The following UPB1 variants were observed in gnomAD, a reference collection of about 807,000 sequenced individuals.
The protein encoded by UPB1 is beta-ureidopropionase.
Under a neutral mutation model 49.1 loss-of-function variants are expected in UPB1, and 40 were observed. That is an observed-to-expected ratio of 0.81 (90% CI 0.63 to 1.06). The LOEUF is 1.06. Ranked by LOEUF, UPB1 falls within the 50% of genes least tolerant of loss-of-function variation. UPB1 has a pLI of 0.00. For synonymous variants in UPB1, 207 were observed against 198.2 expected (o/e 1.04, Z -0.38); for missense variants, 499 against 505.9 (o/e 0.99, Z 0.13).
At chr22:24,510,404 T>TAC (rs979887383) in intron 3 of UPB1, among the ~76,000 whole-genome samples, 8 of 152,332 alleles carry the variant, frequency 5.3e-5, no homozygotes, top group African/African-American at 1.7e-4. Context: ...TATATATATA[T>TAC]ACCACATTTT....
chr22:24,513,564 T>A, intron 5 of UPB1, 79 bp downstream of exon 5: 27 of 1,542,652 alleles, frequency 1.8e-5, no homozygotes, highest in Non-Finnish European at 2.2e-5. Flanking sequence ...GGACTTTCTG[T>A]GGGGAAGTTC....
chr22:24,508,961 G>GA (rs2044142379), intron 3 of UPB1, among the ~76,000 whole-genome samples: 1 of 152,208 alleles, frequency 6.6e-6, no homozygotes, highest in Admixed American at 6.5e-5. Flanking sequence ...AATTAGTCCA[G>GA]ACAAGGATTG....
chr22:24,497,521 G>A (rs2043914351), intron 1 of UPB1, among the ~76,000 whole-genome samples: 1 of 152,222 alleles, frequency 6.6e-6, no homozygotes, highest in Non-Finnish European at 1.5e-5. Flanking sequence ...CCCTGGGTGG[G>A]AGAGGTGGGG....
chr22:24,503,457 C>T (rs1220815297), intron 3 of UPB1: 1 of 152,144 alleles, frequency 6.6e-6, no homozygotes, highest in Non-Finnish European at 1.5e-5. Flanking sequence ...TGTAGTGGAT[C>T]CTTATAGATT....
At chr22:24,513,547 C>G in intron 5 of UPB1, 62 bp downstream of exon 5, 1 of 1,569,522 alleles carries the variant, frequency 6.4e-7, no homozygotes, top group Non-Finnish European at 8.6e-7. Context: ...TGTTGTAGAT[C>G]TCTGTGGGAC....
Position 24,526,175 on chromosome 22 carries a change from G to A in UPB1, c.*381G>A. 2.9e-6 allele frequency: 1 copy of A among 342,046 alleles called. No homozygotes were observed. Among genetic ancestry groups the A allele is most frequent in the Non-Finnish European group, 5.7e-6 (1 of 175,312 alleles). 21.2% of individuals were successfully genotyped at this position (342,046 alleles called of 1,614,324 possible). ...GTACACCAGTGGGAAGAGGGTGAGG[G>A]CTGATCCAGAGACCCTGAGCCTACA... On this transcript the variant is annotated 3_prime_UTR_variant, in exon 10 of 10. Coordinates refer to ENST00000326010, the MANE Select transcript of UPB1 (RefSeq NM_016327.3).
rs370930876 is a variant in UPB1 at position 24,515,266 on chromosome 22, G to A, written c.687G>A (p.Ala229=). The A allele has an allele frequency of 2.9e-5, 47 of 1,614,066 alleles. No homozygotes were observed. The highest frequency in any genetic ancestry group is 6.7e-5 in the Admixed American group (4 of 60,004). ...TCCAGACGCAGTTCGGAAGGATCGC[G>A]GTGAACATTTGCTACGGGCGGCACC... The part of the protein sequence containing the change: ...PVFQTQFGRI[A]VNICYGRHHP... The change falls in exon 6 of 10, where the codon GCG becomes GCA. Residue 229 remains alanine, a synonymous_variant. Coordinates refer to ENST00000326010, the MANE Select transcript of UPB1 (RefSeq NM_016327.3).
chr22:24,526,668 G>A lies in UPB1; in HGVS notation c.*874G>A, dbSNP rs1368324751. The stretch of plus-strand genomic sequence containing the variant: ...TCTAGAAAAATAGAATCTTAAAGAT[G>A]AGTTTTCTGCATTGGTTCTGGATTT... On this transcript the variant is annotated 3_prime_UTR_variant, in exon 10 of 10. Transcript: ENST00000326010. 1 of 152,210 alleles carries A rather than the reference G, an allele frequency of 6.6e-6. No individual in the cohort carries two copies. The highest frequency in any genetic ancestry group is 2.4e-5 in the African/African-American group (1 of 41,450). The allele number at this position is 152,210 out of a possible 1,614,324, so 9.4% of individuals were successfully genotyped here.
intron 6 of UPB1, among the ~76,000 whole-genome samples, chr22:24,519,173 A>T (rs1050845993): frequency 2.0e-5 from 3 of 151,496 alleles, no homozygotes; most frequent in Non-Finnish European, 4.4e-5. Context: ...CAGCTGGGGG[A>T]AAAAAGCAGC....
rs760607228 is a variant in UPB1 at position 24,521,986 on chromosome 22, G to T, written c.874G>T (p.Glu292Ter). Residue 292 changes from glutamate (E) to a stop codon, truncating the protein, a stop_gained and splice_region_variant, in exon 8 of 10, where the codon GAG becomes TAG. Coordinates refer to ENST00000326010, the MANE Select transcript of UPB1 (RefSeq NM_016327.3). LOFTEE classifies it high-confidence loss of function. ...CTCTTACCTTGGTCTTATTTCACAG[G>T]AGCACTTCCCGAACGAGTTTACCTC... Reference protein sequence around the residue: ...FTCAINRVGTEHFPNEFTSGD... With the variant: ...FTCAINRVGT 4.3e-6 allele frequency: 7 copies of T among 1,614,114 alleles called. No homozygotes were observed. The Admixed American group carries it at 1.2e-4, about 27-fold the overall frequency.
chr22:24,509,752 A>G (rs1420384049), intron 3 of UPB1, among the ~76,000 whole-genome samples: 1 of 152,240 alleles, frequency 6.6e-6, no homozygotes, highest in South Asian at 2.1e-4. Flanking sequence ...TACATTAACA[A>G]TATTTACCAT....
At chr22:24,524,821 CA>C (rs1308880920) in intron 9 of UPB1, among the ~76,000 whole-genome samples, 1 of 152,148 alleles carries the variant, frequency 6.6e-6, no homozygotes, top group Non-Finnish European at 1.5e-5. Context: ...ATTGTATATG[CA>C]AATGTCCATT....
chr22:24,508,966 G>T (rs1453033028), intron 3 of UPB1, among the ~76,000 whole-genome samples: 1 of 152,178 alleles, frequency 6.6e-6, no homozygotes, highest in African/African-American at 2.4e-5. Flanking sequence ...GTCCAGACAA[G>T]GATTGAGTTC....
chr22:24,502,618 A>G, intron 3 of UPB1: 1 of 696,876 alleles, frequency 1.4e-6, no homozygotes, highest in Non-Finnish European at 2.6e-6. Context: ...TGTGGTTTTT[A>G]TTTTTATCAG....
At chr22:24,513,734 T>G (rs1049553937) in intron 5 of UPB1, among the ~76,000 whole-genome samples, 3 of 152,190 alleles carry the variant, frequency 2.0e-5, no homozygotes, top group Non-Finnish European at 4.4e-5. Context: ...ATGGGGCATA[T>G]ATTTTTTTAA....
chr22:24,509,357 G>GT (rs202024916), intron 3 of UPB1, among the ~76,000 whole-genome samples: 1,245 of 91,226 alleles, frequency 0.014, 55 homozygotes, highest in African/African-American at 0.055. Context: ...TGTACCTACT[G>GT]TTTGAAAAAA....
chr22:24,520,035 A>C (rs552951569), intron 6 of UPB1: 1 of 365,322 alleles, frequency 2.7e-6, no homozygotes, highest in African/African-American at 2.1e-5. Flanking sequence ...TCTTCTTTTG[A>C]GGACATTTCA....
At chr22:24,501,783 G>C (rs1411304233) in intron 2 of UPB1, among the ~76,000 whole-genome samples, 1 of 152,162 alleles carries the variant, frequency 6.6e-6, no homozygotes, top group Admixed American at 6.5e-5. Context: ...CCGGGCCAAG[G>C]GGGTGGCTGA....
intron 5 of UPB1, 62 bp downstream of exon 5, chr22:24,513,547 C>A (rs2044243817): frequency 1.3e-6 from 2 of 1,569,522 alleles, no homozygotes; most frequent in African/African-American, 2.7e-5. Context: ...TGTTGTAGAT[C>A]TCTGTGGGAC....
Sources: gnomAD v4.1 joint callset for allele counts (sites outside exome capture counted in the v4.1 genomes callset) on GRCh38, gnomAD v4.1.1 for gene constraint, MANE v1.5 for transcripts, NCBI Gene and HGNC (gene_info 2026-07-23, HGNC 2026-07-21) for gene names.